The following QTMAN variants were observed in gnomAD, a reference collection of about 807,000 sequenced individuals.
QTMAN encodes the protein tRNA-queuosine alpha-mannosyltransferase.
At chr2:144,171,890 A>C in the QTMAN span, among the ~76,000 whole-genome samples, 2 of 152,186 alleles carry the variant, frequency 1.3e-5, no homozygotes. Flanking sequence ...CTTCAAAAAA[A>C]TATCTTCACT....
the QTMAN span, among the ~76,000 whole-genome samples, chr2:144,003,366 T>C: frequency 2.0e-5 from 3 of 151,666 alleles, no homozygotes; most frequent in Admixed American, 2.0e-4. Context: ...TACATAAAGG[T>C]TGGAACCTGG....
chr2:144,204,681 GAC>G, the QTMAN span, among the ~76,000 whole-genome samples: 1 of 152,092 alleles, frequency 6.6e-6, no homozygotes, highest in Admixed American at 6.5e-5. Flanking sequence ...CTGGTATAAA[GAC>G]ACATGCACAC....
the QTMAN span, chr2:143,957,120 G>C: frequency 3.4e-6 from 4 of 1,169,078 alleles, no homozygotes; most frequent in Non-Finnish European, 4.7e-6. Flanking sequence ...TGTATTATTT[G>C]AAATAACAGC....
the QTMAN span, among the ~76,000 whole-genome samples, chr2:144,227,643 A>G: frequency 1.3e-5 from 2 of 152,218 alleles, no homozygotes; most frequent in African/African-American, 4.8e-5. Context: ...ACATGGAAAC[A>G]TAACAATACC....
the QTMAN span, among the ~76,000 whole-genome samples, chr2:144,195,153 G>A: frequency 6.6e-6 from 1 of 151,784 alleles, no homozygotes; most frequent in Non-Finnish European, 1.5e-5. Flanking sequence ...AACATCTGAA[G>A]GTTTATCATC....
chr2:143,991,724 G>A, the QTMAN span, among the ~76,000 whole-genome samples: 7 of 142,218 alleles, frequency 4.9e-5, no homozygotes, highest in South Asian at 2.3e-4. Context: ...CGCCCCGTCC[G>A]GGAGGGAGGT....
chr2:144,101,650 T>C, the QTMAN span, among the ~76,000 whole-genome samples: 1 of 152,110 alleles, frequency 6.6e-6, no homozygotes, highest in Non-Finnish European at 1.5e-5. Flanking sequence ...ACCTCAAGAC[T>C]CTTCAAGTAT....
the QTMAN span, among the ~76,000 whole-genome samples, chr2:144,172,621 CAAAAAAAAAAAA>C: frequency 3.9e-5 from 2 of 51,360 alleles, no homozygotes; most frequent in Non-Finnish European, 9.1e-5. Flanking sequence ...AAGACTCTGT[CAAAAAAAAAAAA>C]AAAAAAAAAA....
At chr2:144,157,861 G>A in the QTMAN span, among the ~76,000 whole-genome samples, 1 of 151,770 alleles carries the variant, frequency 6.6e-6, no homozygotes, top group Non-Finnish European at 1.5e-5. Context: ...CTGTCTAGTT[G>A]ATAAGGAGTA....
At chr2:144,027,918 T>C in the QTMAN span, among the ~76,000 whole-genome samples, 1 of 152,230 alleles carries the variant, frequency 6.6e-6, no homozygotes, top group Non-Finnish European at 1.5e-5. Context: ...TAGATTTAAA[T>C]GTTAAGATGC....
At chr2:144,101,164 G>C in the QTMAN span, among the ~76,000 whole-genome samples, 1 of 152,006 alleles carries the variant, frequency 6.6e-6, no homozygotes, top group Non-Finnish European at 1.5e-5. Flanking sequence ...CACCGTGCCC[G>C]GCCCATTTAG....
the QTMAN span, among the ~76,000 whole-genome samples, chr2:144,166,091 T>C: frequency 5.9e-5 from 9 of 152,184 alleles, no homozygotes; most frequent in Admixed American, 2.6e-4. Flanking sequence ...CACCCAGCTC[T>C]ACAAGCTCAT....
the QTMAN span, among the ~76,000 whole-genome samples, chr2:144,163,134 C>A: frequency 6.6e-6 from 1 of 151,492 alleles, no homozygotes. Flanking sequence ...TCCTAAAGTA[C>A]AAAATTATAA....
the QTMAN span, among the ~76,000 whole-genome samples, chr2:144,182,143 A>T: frequency 1.3e-5 from 2 of 152,224 alleles, no homozygotes; most frequent in Non-Finnish European, 2.9e-5. Context: ...CTGGCCTTTA[A>T]CATTTCAGTC....
chr2:144,192,420 T>C, the QTMAN span, among the ~76,000 whole-genome samples: 3 of 152,148 alleles, frequency 2.0e-5, no homozygotes, highest in African/African-American at 7.2e-5. Flanking sequence ...TTTAACTCTT[T>C]AACCAGTTAT....
the QTMAN span, among the ~76,000 whole-genome samples, chr2:144,115,128 G>A: frequency 6.6e-6 from 1 of 152,046 alleles, no homozygotes; most frequent in Non-Finnish European, 1.5e-5. Flanking sequence ...CTACTCTGGA[G>A]GCTGAGGCAC....
At chr2:144,224,879 G>A in the QTMAN span, among the ~76,000 whole-genome samples, 1 of 152,204 alleles carries the variant, frequency 6.6e-6, no homozygotes, top group South Asian at 2.1e-4. Context: ...CGGGTCTCAG[G>A]CCTGGATATA....
chr2:143,999,029 G>A, the QTMAN span, among the ~76,000 whole-genome samples: 4 of 151,964 alleles, frequency 2.6e-5, no homozygotes, highest in African/African-American at 9.7e-5. Context: ...TTAACATTAA[G>A]TAACATTGAC....
chr2:144,052,185 A>G, the QTMAN span, among the ~76,000 whole-genome samples: 2 of 152,148 alleles, frequency 1.3e-5, no homozygotes, highest in African/African-American at 4.8e-5. Context: ...AGAAATGTTA[A>G]AGAGTCTGGA....
Sources: gnomAD v4.1 joint callset for allele counts (sites outside exome capture counted in the v4.1 genomes callset) on GRCh38, gnomAD v4.1.1 for gene constraint, MANE v1.5 for transcripts, NCBI Gene and HGNC (gene_info 2026-07-23, HGNC 2026-07-21) for gene names.